AK7: variants seen among roughly 807,000 people sequenced by gnomAD.
AK7 encodes adenylate kinase 7.
In AK7, 78 loss-of-function variants were observed where a neutral mutation model predicts 96.6. The ratio of observed to expected loss-of-function variants is 0.81; its 90% confidence interval spans 0.67 to 0.97. The LOEUF is 0.97. Ranked by LOEUF, AK7 falls within the 50% of genes least tolerant of loss-of-function variation. The probability of loss-of-function intolerance (pLI) is 0.00; values close to 1 mark genes in which losing one functional copy is unlikely to be tolerated. For synonymous variants in AK7, 302 were observed against 317.2 expected, an observed-to-expected ratio of 0.95 and a Z score of 0.51; for missense variants, 855 against 887.9, an observed-to-expected ratio of 0.96 and a Z score of 0.47.
At chr14:96,450,575 A>G (rs575761966) in intron 9 of AK7, among the ~76,000 whole-genome samples, 1 of 151,910 alleles carries the variant, frequency 6.6e-6, no homozygotes, top group African/African-American at 2.4e-5. Context: ...ACAACAAAAA[A>G]AAAAAAATAG....
chr14:96,424,163 G>A, intron 5 of AK7: 2 of 611,158 alleles, frequency 3.3e-6, no homozygotes, highest in Non-Finnish European at 3.1e-6. Context: ...GCGGCTGTTC[G>A]TCCACTTCCT....
intron 12 of AK7, among the ~76,000 whole-genome samples, chr14:96,462,134 G>A (rs1163516738): frequency 6.6e-6 from 1 of 152,158 alleles, no homozygotes; most frequent in Non-Finnish European, 1.5e-5. Flanking sequence ...AGGTTCAGCA[G>A]CCTCTGTCAG....
Position 96,408,916 on chromosome 14 carries a change from G to A in AK7, c.473G>A (p.Trp158Ter). Residue 158 changes from tryptophan to a stop codon, truncating the protein, a stop_gained, in exon 4 of 18, where the codon TGG (tryptophan) becomes TAG (stop). Transcript: ENST00000267584. LOFTEE classifies it high-confidence loss of function. ...LFILLSTVMT[W>*]ARSKALDPED... Reference sequence around the variant, plus strand: ...ATTTTACTGTCGACGGTGATGACTTGGGCGCGCTCCAAAGCCCTGGACCCC... The same window carrying A: ...ATTTTACTGTCGACGGTGATGACTTAGGCGCGCTCCAAAGCCCTGGACCCC... The A allele has an allele frequency of 1.2e-6, 2 of 1,614,206 alleles. No individual in the cohort carries two copies. The highest frequency in any genetic ancestry group is 8.5e-7 in the Non-Finnish European group (1 of 1,180,038).
intron 2 of AK7, chr14:96,398,717 T>C (rs1008396888): frequency 2.3e-5 from 4 of 174,082 alleles, no homozygotes; most frequent in Admixed American, 1.1e-4. Flanking sequence ...TCCTGTCTCT[T>C]ATATTTATGA....
At chr14:96,436,861 C>A (rs1467274056) in intron 5 of AK7, among the ~76,000 whole-genome samples, 3 of 152,222 alleles carry the variant, frequency 2.0e-5, no homozygotes, top group Admixed American at 2.0e-4. Context: ...CAGCAGCAGG[C>A]CGCCATGTGG....
In AK7 at chr14:96,408,828, C is replaced by T. The variant is rs750939916; in HGVS notation, c.404-19C>T. ...TTGTGCATGGGTCCAAATAACCACT[C>T]TGCTTTTTGGCCCCACAGCACTCAG... is the stretch of plus-strand genomic sequence containing the variant. On this transcript the variant is annotated intron_variant, in intron 3 of 17. Transcript: ENST00000267584. 1.7e-5 allele frequency: 28 copies of T among 1,612,628 alleles called. No homozygotes were observed. Among genetic ancestry groups the T allele is most frequent in the Non-Finnish European group, 2.3e-5 (27 of 1,178,786 alleles).
rs71415037 is a variant in AK7 at position 96,414,362 on chromosome 14, C to T, written c.498+5421C>T. 8.5e-3 allele frequency among the ~76,000 whole-genome samples: 1,292 copies of T among 152,316 alleles called. 14 individuals are homozygous for T. The highest frequency in any genetic ancestry group is 0.015 in the Non-Finnish European group (989 of 68,026). Reference sequence around the variant, plus strand: ...AAACTCAGCCCATAGCTGAGGAGCCCGGAATATGTAGTCTAACTGCATCCA... The same window carrying T: ...AAACTCAGCCCATAGCTGAGGAGCCTGGAATATGTAGTCTAACTGCATCCA... On this transcript the variant is annotated intron_variant, in intron 4 of 17. Coordinates refer to ENST00000267584, the MANE Select transcript of AK7 (RefSeq NM_152327.5).
intron 6 of AK7, 62 bp from the exon 7 acceptor site, chr14:96,442,668 G>A (rs1893020297): frequency 4.7e-6 from 6 of 1,274,538 alleles, no homozygotes; most frequent in East Asian, 2.3e-5. Flanking sequence ...AGACTTATGT[G>A]TGAGCTGTAA....
chr14:96,455,698 G>A (rs955103578), intron 10 of AK7, among the ~76,000 whole-genome samples: 3 of 152,166 alleles, frequency 2.0e-5, no homozygotes, highest in Non-Finnish European at 4.4e-5. Context: ...GATCTGAGTT[G>A]TTCCTGATAC....
At chr14:96,404,165 A>C (rs900261417) in intron 2 of AK7, among the ~76,000 whole-genome samples, 1 of 151,630 alleles carries the variant, frequency 6.6e-6, no homozygotes, top group Non-Finnish European at 1.5e-5. Context: ...AAAAAAAAAA[A>C]AAAAAAAACA....
intron 3 of AK7, among the ~76,000 whole-genome samples, chr14:96,406,641 T>C (rs1176404607): frequency 6.6e-6 from 1 of 152,140 alleles, no homozygotes. Flanking sequence ...TCATTTTACC[T>C]ACTGCACATT....
rs566293098 is a variant in AK7, at chr14:96,392,306, C to T, written c.105+47C>T. On this transcript the variant is annotated intron_variant, in intron 1 of 17. Coordinates refer to ENST00000267584, the MANE Select transcript of AK7 (RefSeq NM_152327.5). ...GAGCCTCACGCCAGCTCTCAGCTCC[C>T]AGCCCTCGGCCCCCGGTCCGCAAAC... 1.6e-5 allele frequency: 25 copies of T among 1,525,888 alleles called. No homozygotes were observed. In the Admixed American group the frequency reaches 2.9e-4, roughly 18 times the overall value. 94.5% of individuals were successfully genotyped at this position (1,525,888 alleles called of 1,614,324 possible).
rs1404175154 is a variant in AK7, at chr14:96,458,760, A to AC, written c.1357+548_1357+549insC. Reference sequence around the variant, plus strand: ...TCTGTCTCAAAAAAAAAAAAAAAAAAATTAGCTGAGCATCGTGGCATGTGC... The same window carrying AC: ...TCTGTCTCAAAAAAAAAAAAAAAAAACATTAGCTGAGCATCGTGGCATGTGC... On this transcript the variant is annotated intron_variant, in intron 12 of 17. Coordinates refer to ENST00000267584, the MANE Select transcript of AK7 (RefSeq NM_152327.5). Among the ~76,000 whole-genome samples the AC allele has an allele frequency of 4.2e-3, 628 of 150,648 alleles. 2 individuals carry two copies. The highest frequency in any genetic ancestry group is 0.014 in the African/African-American group (580 of 40,886).
chr14:96,429,140 TA>T lies in AK7; in HGVS notation c.609+8210del, dbSNP rs566771267. 2.0e-5 allele frequency among the ~76,000 whole-genome samples: 3 copies of T among 151,754 alleles called. No individual in the cohort carries two copies. In the East Asian group the frequency reaches 5.8e-4, roughly 29 times the overall value. On this transcript the variant is annotated intron_variant, in intron 5 of 17. Transcript: ENST00000267584. The stretch of plus-strand genomic sequence containing the variant: ...TAATTCATTTGAATTAATTTTTGTA[TA>T]AGGTGTAAGGAAGGGATCCAGTTTC...
chr14:96,452,514 C>T (rs967599709), intron 10 of AK7, among the ~76,000 whole-genome samples: 8 of 151,854 alleles, frequency 5.3e-5, no homozygotes, highest in East Asian at 3.9e-4. Flanking sequence ...TTAGTAGAGA[C>T]GGGGTTTCAC....
Position 96,478,940 on chromosome 14 carries a change from G to C in AK7, c.1753+278G>C, listed in dbSNP as rs116171880. 9.0e-3 allele frequency among the ~76,000 whole-genome samples: 1,347 copies of C among 150,208 alleles called. 27 individuals are homozygous for C. The highest frequency in any genetic ancestry group is 0.031 in the African/African-American group (1,274 of 40,742). On this transcript the variant is annotated intron_variant, in intron 15 of 17. Transcript: ENST00000267584. ...TTTTTTTGTGGGGGGATGGAGTCTCGCTCAGTTGCCCAAGCTGGAGTGCAG... is the reference window on the plus strand; with the variant it reads ...TTTTTTTGTGGGGGGATGGAGTCTCCCTCAGTTGCCCAAGCTGGAGTGCAG...
In AK7 at chr14:96,420,932, G is replaced by T. The variant is rs549184231; in HGVS notation, c.609G>T (p.Lys203Asn). 1.3e-6 allele frequency: 2 copies of T among 1,584,668 alleles called. No homozygotes were observed. The highest frequency in any genetic ancestry group is 2.2e-5 in the East Asian group (1 of 44,666). Residue 203 changes from lysine (K) to asparagine (N), a missense_variant and splice_region_variant, in exon 5 of 18, where the codon AAG becomes AAT. Transcript: ENST00000267584. Reference sequence around the variant, plus strand: ...AAATGGTTCTCAAATTTGGAAAAAAGGTAAGTCTGGCATAGTGGAACATGG... The same window carrying T: ...AAATGGTTCTCAAATTTGGAAAAAATGTAAGTCTGGCATAGTGGAACATGG... ...AEKMVLKFGKKARKFAAYVVA... is the reference protein window; with the variant it reads ...AEKMVLKFGKNARKFAAYVVA...
intron 12 of AK7, among the ~76,000 whole-genome samples, chr14:96,462,263 C>A (rs906442517): frequency 6.6e-6 from 1 of 152,180 alleles, no homozygotes; most frequent in Non-Finnish European, 1.5e-5. Context: ...CCCCACTTCC[C>A]CACTTCCTAC....
chr14:96,455,954 C>T (rs1033560787), intron 10 of AK7, among the ~76,000 whole-genome samples: 1 of 151,874 alleles, frequency 6.6e-6, no homozygotes, highest in Non-Finnish European at 1.5e-5. Flanking sequence ...AAAAGGCACT[C>T]CCAGCCAGAC....
Sources: gnomAD v4.1 joint callset for allele counts (sites outside exome capture counted in the v4.1 genomes callset) on GRCh38, gnomAD v4.1.1 for gene constraint, MANE v1.5 for transcripts, NCBI Gene and HGNC (gene_info 2026-07-23, HGNC 2026-07-21) for gene names.